Variants in SDK1 observed in about 807,000 individuals in gnomAD.
SDK1 encodes sidekick cell adhesion molecule 1.
SDK1 carries 157 observed loss-of-function variants against 245.5 expected under a neutral mutation model. The observed-to-expected ratio is 0.64, with a 90% CI of 0.56 to 0.73. SDK1 has a LOEUF of 0.73. SDK1 is among the 30% of genes least tolerant of loss of function. The probability of loss-of-function intolerance (pLI) is 0.00; values close to 1 mark genes in which losing one functional copy is unlikely to be tolerated. For synonymous variants in SDK1, 1,647 were observed against 1,278.5 expected (o/e 1.29, Z -6.15); for missense variants, 3,583 against 3,002.3 (o/e 1.19, Z -4.52).
rs1306430496 is a variant in SDK1 at position 4,051,781 on chromosome 7, T to C, written c.2862T>C (p.Pro954=). Residue 954 remains proline, a synonymous_variant, in exon 19 of 45, where the codon CCT becomes CCC. Transcript: ENST00000404826. ...YFTSVLCFTT[P]GDGPPSTPQL... ...CTTCCGTTCTGTGCTTCACCACCCC[T>C]GGGGACGGGCCTCCCAGCACACCTC... 3 of 1,613,806 alleles carry C rather than the reference T, an allele frequency of 1.9e-6. No homozygotes were observed. The Admixed American group carries it at 5.0e-5, about 27-fold the overall frequency.
intron 1 of SDK1, among the ~76,000 whole-genome samples, chr7:3,346,443 A>G (rs1274623680): frequency 3.3e-5 from 5 of 152,150 alleles, no homozygotes; most frequent in African/African-American, 1.2e-4. Flanking sequence ...CGATGAAGCT[A>G]CTTCAGATTC....
At chr7:3,768,405 T>A (rs551031504) in intron 4 of SDK1, among the ~76,000 whole-genome samples, 1 of 152,306 alleles carries the variant, frequency 6.6e-6, no homozygotes, top group African/African-American at 2.4e-5. Flanking sequence ...ATCTTGAACC[T>A]TAAACTTTAA....
chr7:3,841,644 G>A (rs575395391), intron 5 of SDK1, among the ~76,000 whole-genome samples: 5 of 151,668 alleles, frequency 3.3e-5, no homozygotes, highest in African/African-American at 1.2e-4. Context: ...TCGGCTCACT[G>A]CAACCTTCGC....
intron 14 of SDK1, among the ~76,000 whole-genome samples, chr7:4,007,027 G>A (rs933834319): frequency 1.3e-5 from 2 of 152,192 alleles, no homozygotes; most frequent in East Asian, 1.9e-4. Flanking sequence ...TTTCTGAAAC[G>A]ATGTTTGTTC....
intron 5 of SDK1, among the ~76,000 whole-genome samples, chr7:3,898,011 A>G (rs1257064642): frequency 6.6e-6 from 1 of 151,852 alleles, no homozygotes; most frequent in East Asian, 1.9e-4. Context: ...ACACTGACCC[A>G]GGAAGCCGCC....
At chr7:3,633,218 A>C (rs1335722415) in intron 2 of SDK1, among the ~76,000 whole-genome samples, 1 of 152,184 alleles carries the variant, frequency 6.6e-6, no homozygotes, top group Non-Finnish European at 1.5e-5. Flanking sequence ...GTCTTATCTA[A>C]AGTGACATAA....
intron 5 of SDK1, among the ~76,000 whole-genome samples, chr7:3,839,236 A>G (rs2115085375): frequency 6.6e-6 from 1 of 152,258 alleles, no homozygotes; most frequent in South Asian, 2.1e-4. Context: ...TCCTTGTTGC[A>G]TTGCTCTGGC....
intron 1 of SDK1, among the ~76,000 whole-genome samples, chr7:3,541,038 CAG>C (rs911944429): frequency 6.6e-6 from 1 of 152,158 alleles, no homozygotes; most frequent in Admixed American, 6.5e-5. Flanking sequence ...TACCAAAGAA[CAG>C]ATTTCCAAAG....
At chr7:3,730,492 G>C (rs951359816) in intron 4 of SDK1, among the ~76,000 whole-genome samples, 1 of 152,140 alleles carries the variant, frequency 6.6e-6, no homozygotes, top group East Asian at 1.9e-4. Context: ...GAAGGTAATA[G>C]AGATGTGAAT....
chr7:3,693,119 T>C (rs1462865978), intron 4 of SDK1, among the ~76,000 whole-genome samples: 1 of 152,082 alleles, frequency 6.6e-6, no homozygotes, highest in African/African-American at 2.4e-5. Flanking sequence ...TGTAGACATA[T>C]TTCTTAACGA....
chr7:3,652,835 G>A (rs533781494), intron 4 of SDK1, among the ~76,000 whole-genome samples: 3 of 152,300 alleles, frequency 2.0e-5, no homozygotes, highest in East Asian at 3.9e-4. Context: ...CGAGGGTCAT[G>A]TTGAGGCTGT....
At chr7:3,841,335 T>G (rs1409517044) in intron 5 of SDK1, among the ~76,000 whole-genome samples, 1 of 152,186 alleles carries the variant, frequency 6.6e-6, no homozygotes, top group African/African-American at 2.4e-5. Flanking sequence ...GGAGGCATCC[T>G]TTGGATAATG....
chr7:3,578,100 CA>C (rs1279756710), intron 1 of SDK1, among the ~76,000 whole-genome samples: 1 of 151,818 alleles, frequency 6.6e-6, no homozygotes, highest in Non-Finnish European at 1.5e-5. Flanking sequence ...TATTTTTTAT[CA>C]GGGGAACCCA....
In SDK1 at chr7:3,529,814, C is replaced by T. The variant is rs775644353; in HGVS notation, c.299-89266C>T. On this transcript the variant is annotated intron_variant, in intron 1 of 44. Transcript: ENST00000404826. Reference sequence around the variant, plus strand: ...CGAGGGGTGGGCTATGCTCACATCACGTGCCTCCCAAGGAGAAATACTGAG... The same window carrying T: ...CGAGGGGTGGGCTATGCTCACATCATGTGCCTCCCAAGGAGAAATACTGAG... Among the ~76,000 whole-genome samples, 17 of 152,150 alleles carry T rather than the reference C, an allele frequency of 1.1e-4. 1 individual carries two copies. Among genetic ancestry groups the T allele is most frequent in the South Asian group, 1.0e-3 (5 of 4,830 alleles).
intron 1 of SDK1, among the ~76,000 whole-genome samples, chr7:3,485,431 G>C (rs1781655049): frequency 6.6e-6 from 1 of 152,048 alleles, no homozygotes; most frequent in Admixed American, 6.6e-5. Flanking sequence ...CCAATGCCAA[G>C]TCCCACACTC....
intron 17 of SDK1, among the ~76,000 whole-genome samples, chr7:4,045,987 T>A (rs1030046410): frequency 1.3e-5 from 2 of 152,090 alleles, no homozygotes. Flanking sequence ...AGAGACAAAG[T>A]CTTACTTGGT....
At chr7:4,161,653 G>A in intron 31 of SDK1, 133 bp from the exon 32 acceptor site, 1 of 713,254 alleles carries the variant, frequency 1.4e-6, no homozygotes, top group Admixed American at 2.1e-5. Context: ...GGAAGGGCAG[G>A]AGAAGGGGAC....
At chr7:3,704,200 G>C (rs573223296) in intron 4 of SDK1, among the ~76,000 whole-genome samples, 9 of 152,192 alleles carry the variant, frequency 5.9e-5, no homozygotes, top group African/African-American at 2.2e-4. Flanking sequence ...CTCCATTCAA[G>C]TTTCCGCCAA....
chr7:4,113,107 C>T (rs879554269), intron 23 of SDK1, among the ~76,000 whole-genome samples, 182 bp from the exon 24 acceptor site: 5 of 152,116 alleles, frequency 3.3e-5, no homozygotes, highest in Admixed American at 1.3e-4. Flanking sequence ...CCACACCTGG[C>T]CACAATTTGC....
Sources: allele counts gnomAD v4.1 joint callset (sites outside exome capture counted in the v4.1 genomes callset), GRCh38; gene constraint gnomAD v4.1.1; transcripts MANE v1.5; gene names NCBI Gene and HGNC (gene_info 2026-07-23, HGNC 2026-07-21).